The following NCOR2 variants were observed in gnomAD, a reference collection of about 807,000 sequenced individuals.
The protein encoded by NCOR2 is nuclear receptor corepressor 2, also known as CTG repeat protein 26.
In NCOR2, 81 loss-of-function variants were observed where a neutral mutation model predicts 262.9. That is an observed-to-expected ratio of 0.31 (90% CI 0.26 to 0.37). The LOEUF (loss-of-function observed/expected upper bound fraction) is 0.37. Among genes scored for constraint, NCOR2 ranks in the 10% least tolerant of loss-of-function variants. NCOR2 has a pLI of 1.00. For missense variants in NCOR2, 3,385 were observed against 3,621.4 expected, an observed-to-expected ratio of 0.93 and a Z score of 1.68; for synonymous variants, 1,659 against 1,559.3, an observed-to-expected ratio of 1.06 and a Z score of -1.51.
intron 17 of NCOR2, among the ~76,000 whole-genome samples, chr12:124,385,073 G>A (rs988344080): frequency 6.6e-6 from 1 of 152,106 alleles, no homozygotes; most frequent in African/African-American, 2.4e-5. Flanking sequence ...GAAGGAGAGA[G>A]GGAAGGCAGC....
At chr12:124,409,380 T>TC (rs1469424468) in intron 13 of NCOR2, among the ~76,000 whole-genome samples, 5 of 152,242 alleles carry the variant, frequency 3.3e-5, no homozygotes, top group East Asian at 1.9e-4. Context: ...CCTGGGGTGC[T>TC]CCCCCGACTT....
intron 1 of NCOR2, among the ~76,000 whole-genome samples, chr12:124,527,498 G>C (rs2050541328): frequency 6.6e-6 from 1 of 151,974 alleles, no homozygotes; most frequent in Non-Finnish European, 1.5e-5. Flanking sequence ...GCTCACTGCA[G>C]TCTCTGCCTC....
intron 8 of NCOR2, among the ~76,000 whole-genome samples, chr12:124,436,201 C>G (rs1207774271): frequency 6.6e-6 from 1 of 152,234 alleles, no homozygotes; most frequent in African/African-American, 2.4e-5. Flanking sequence ...TCAGTTCAAG[C>G]AGGACTTGGT....
At chr12:124,416,149 C>T (rs987272729) in intron 13 of NCOR2, among the ~76,000 whole-genome samples, 3 of 152,110 alleles carry the variant, frequency 2.0e-5, no homozygotes, top group Non-Finnish European at 2.9e-5. Flanking sequence ...GGCCTCACCA[C>T]TCCCTACTCC....
At chr12:124,557,012 G>A (rs139890250) in intron 1 of NCOR2, among the ~76,000 whole-genome samples, 97 of 152,368 alleles carry the variant, frequency 6.4e-4, no homozygotes, top group African/African-American at 2.0e-3. Flanking sequence ...GAGACAGAGC[G>A]GGCAAGGGGA....
intron 21 of NCOR2, among the ~76,000 whole-genome samples, chr12:124,363,449 G>C (rs1393358680): frequency 3.3e-5 from 5 of 152,226 alleles, no homozygotes; most frequent in Non-Finnish European, 1.5e-5. Flanking sequence ...CGGGGTGGAA[G>C]GGGGGAGGCC....
chr12:124,378,394 A>G lies in NCOR2; in HGVS notation c.2020-10T>C, dbSNP rs965390679. The G allele has an allele frequency of 1.9e-6, 3 of 1,608,020 alleles. No homozygotes were observed. Among genetic ancestry groups the G allele is most frequent in the African/African-American group, 1.3e-5 (1 of 74,840 alleles). On this transcript the variant is annotated splice_polypyrimidine_tract_variant and intron_variant, in intron 17 of 46. Transcript: ENST00000405201. This position sits in a 1 kb window ranked among gnomAD's most constrained non-coding sequence, Gnocchi z 4.2. The stretch of plus-strand genomic sequence containing the variant: ...CGTTCCTCTCCTTCTCCTGGGGCAC[A>G]GGGAAGCAGCAGATCAGGACTGGGG...
intron 16 of NCOR2, among the ~76,000 whole-genome samples, chr12:124,387,699 C>A (rs1369620036): frequency 6.6e-6 from 1 of 152,234 alleles, no homozygotes; most frequent in African/African-American, 2.4e-5. Context: ...TGGCACCCGG[C>A]CCCTGACCTT....
At chr12:124,342,002 A>G (rs1247399574) in exon 34 of NCOR2, 2 of 1,613,028 alleles carry the variant, frequency 1.2e-6, no homozygotes, top group Admixed American at 1.7e-5. Flanking sequence ...GTAGCCGCGG[A>G]TGAGGTAGGG....
At chr12:124,442,418 G>A (rs1019749753) in intron 7 of NCOR2, among the ~76,000 whole-genome samples, 1 of 152,252 alleles carries the variant, frequency 6.6e-6, no homozygotes, top group Admixed American at 6.5e-5. Context: ...GGGATGACAG[G>A]CGTGGGCCAC....
At chr12:124,508,559 G>C (rs1022514319) in intron 1 of NCOR2, among the ~76,000 whole-genome samples, 19 of 152,272 alleles carry the variant, frequency 1.2e-4, no homozygotes, top group Non-Finnish European at 2.6e-4. Flanking sequence ...GCAGGAAGGG[G>C]GTGACCGCAG....
At chr12:124,350,074 T>C (rs1046387290) in intron 28 of NCOR2, among the ~76,000 whole-genome samples, 15 of 152,104 alleles carry the variant, frequency 9.9e-5, no homozygotes, top group African/African-American at 3.6e-4. Context: ...TCCACACCCC[T>C]GGGTGCCCTA....
At chr12:124,325,387 C>T (rs1299843483) in exon 47 of NCOR2, 2 of 655,996 alleles carry the variant, frequency 3.0e-6, no homozygotes, top group Non-Finnish European at 4.3e-6. Flanking sequence ...GCCCCCCCCC[C>T]CGCCCTGTTC....
At chr12:124,552,857 G>C (rs1044575644) in intron 1 of NCOR2, among the ~76,000 whole-genome samples, 1 of 152,052 alleles carries the variant, frequency 6.6e-6, no homozygotes, top group African/African-American at 2.4e-5. Context: ...AGTTTTCTAT[G>C]TTTTTTATAG....
At chr12:124,350,251 G>A (rs2037334112) in intron 28 of NCOR2, among the ~76,000 whole-genome samples, 1 of 152,184 alleles carries the variant, frequency 6.6e-6, no homozygotes, top group Non-Finnish European at 1.5e-5. Context: ...CCTCTTTCAT[G>A]GCCAATGAGA....
At chr12:124,535,624 C>G (rs2051089252), upstream of NCOR2, 3 of 152,258 alleles carry the variant, frequency 2.0e-5, no homozygotes. Flanking sequence ...GCGGACAAAA[C>G]ACGGGTTTTG....
At chr12:124,353,551 T>C (rs1386954438) in intron 27 of NCOR2, among the ~76,000 whole-genome samples, 1 of 152,206 alleles carries the variant, frequency 6.6e-6, no homozygotes, top group Non-Finnish European at 1.5e-5. Context: ...GTCACTGTGT[T>C]CTAGAGCCAG....
intron 1 of NCOR2, among the ~76,000 whole-genome samples, chr12:124,562,987 C>T (rs1463464411): frequency 6.6e-6 from 1 of 152,188 alleles, no homozygotes; most frequent in Non-Finnish European, 1.5e-5. Flanking sequence ...GATGAGCAAA[C>T]TGAGGCTCAC....
chr12:124,359,675 G>C (rs1364654694), intron 22 of NCOR2, among the ~76,000 whole-genome samples: 1 of 152,236 alleles, frequency 6.6e-6, no homozygotes, highest in Non-Finnish European at 1.5e-5. Flanking sequence ...AGAGAGTTGG[G>C]AGAGAGAGGA....
Sources: allele counts gnomAD v4.1 joint callset (sites outside exome capture counted in the v4.1 genomes callset), GRCh38; gene constraint gnomAD v4.1.1; non-coding constraint Gnocchi (gnomAD v3.1); transcripts MANE v1.5; gene names NCBI Gene and HGNC (gene_info 2026-07-23, HGNC 2026-07-21).